The following PRH1 variants were observed in gnomAD, a reference collection of about 807,000 sequenced individuals.
PRH1 encodes salivary acidic proline-rich phosphoprotein 1/2.
PRH1 carries 7 observed loss-of-function variants against 7.9 expected under a neutral mutation model. The observed-to-expected ratio is 0.89, with a 90% CI of 0.50 to 1.67. PRH1 has a LOEUF of 1.67. Ranked by LOEUF, PRH1 falls within the 40% of genes most tolerant of loss-of-function variation. PRH1 has a pLI of 0.00. For missense variants in PRH1, 109 were observed against 223.6 expected (o/e 0.49, Z 3.27); for synonymous variants, 45 against 80.8 (o/e 0.56, Z 2.38).
chr12:10,966,430 C>G (rs1334836198), intron 2 of PRH1, among the ~76,000 whole-genome samples: 1 of 152,122 alleles, frequency 6.6e-6, no homozygotes, highest in Non-Finnish European at 1.5e-5. Context: ...ATTGGAGTTT[C>G]TTTTCCTTTT....
At chr12:10,943,988 T>C (rs1950445834) in intron 2 of PRH1, among the ~76,000 whole-genome samples, 1 of 152,208 alleles carries the variant, frequency 6.6e-6, no homozygotes. Context: ...TAACATAGTT[T>C]GAAGTTGGGT....
At chr12:11,063,210 C>G (rs1203845720) in intron 1 of PRH1, among the ~76,000 whole-genome samples, 1 of 152,018 alleles carries the variant, frequency 6.6e-6, no homozygotes, top group Non-Finnish European at 1.5e-5. Context: ...AGTACCCAAC[C>G]CTTTGATATA....
At chr12:10,959,900 C>A (rs114830989) in intron 2 of PRH1, among the ~76,000 whole-genome samples, 2,302 of 152,194 alleles carry the variant, frequency 0.015, 19 homozygotes, top group South Asian at 0.031. Context: ...AGTTTAGAGG[C>A]AAGAGAAAGA....
At position 11,083,541 on chromosome 12, in the gene PRH1, T is replaced by A. The variant is rs1944565868; in HGVS notation, n.124-36353A>T. ...ATTATTGTGAAACATAACATACATA[T>A]ATATATAAAGTAATAAGGTCTAAAT... On this transcript the variant is annotated intron_variant and non_coding_transcript_variant, in intron 1 of 4. Coordinates refer to the PRH1 transcript ENST00000541977. 5.5e-4 allele frequency among the ~76,000 whole-genome samples: 3 copies of A among 5,406 alleles called. No individual in the cohort carries two copies. In the South Asian group the frequency reaches 0.039, roughly 71 times the overall value. The allele number at this position is 5,406 out of a possible 152,430, so 3.5% of individuals were successfully genotyped here. A position where few individuals can be genotyped will look rare whatever the true frequency, so the allele number is the denominator to read the frequency against.
chr12:11,154,095 C>T (rs938005354), intron 1 of PRH1, among the ~76,000 whole-genome samples: 1 of 152,122 alleles, frequency 6.6e-6, no homozygotes, highest in African/African-American at 2.4e-5. Flanking sequence ...ATACTGGAGA[C>T]AAATTTGTTA....
chr12:10,918,325 A>G (rs1466285461), intron 2 of PRH1, among the ~76,000 whole-genome samples: 1 of 152,136 alleles, frequency 6.6e-6, no homozygotes, highest in African/African-American at 2.4e-5. Flanking sequence ...GGCACACATT[A>G]ACCTATGTAA....
At chr12:11,168,214 AAG>A (rs1491427747) in intron 1 of PRH1, among the ~76,000 whole-genome samples, 9 of 5,000 alleles carry the variant, frequency 1.8e-3, no homozygotes, top group Non-Finnish European at 4.7e-3. Flanking sequence ...AGAAAGAAAG[AAG>A]AAAGAAAGAA....
chr12:10,970,684 C>G (rs1938768437), intron 2 of PRH1, among the ~76,000 whole-genome samples: 1 of 151,964 alleles, frequency 6.6e-6, no homozygotes, highest in Non-Finnish European at 1.5e-5. Flanking sequence ...CCTGCCTCAG[C>G]CTCCCTAGTA....
rs1246521375 is a variant in PRH1 at position 11,093,670 on chromosome 12, G to C, written n.124-46482C>G. ...AGACCCTTTGATATAGAATCCTGCA[G>C]TATCCTCCTATCACAGGAAGACTGA... On this transcript the variant is annotated intron_variant and non_coding_transcript_variant, in intron 1 of 4. Coordinates refer to the PRH1 transcript ENST00000541977. 1.7e-5 allele frequency among the ~76,000 whole-genome samples: 2 copies of C among 115,382 alleles called. 1 individual carries two copies. The highest frequency in any genetic ancestry group is 4.1e-5 in the Non-Finnish European group (2 of 48,976). 75.7% of individuals were successfully genotyped at this position (115,382 alleles called of 152,430 possible).
intron 1 of PRH1, among the ~76,000 whole-genome samples, chr12:11,139,871 T>C (rs1020311331): frequency 1.3e-5 from 2 of 152,128 alleles, no homozygotes; most frequent in African/African-American, 2.4e-5. Flanking sequence ...GAGTAGAATA[T>C]GAAAATTCCC....
At chr12:11,075,499 C>T (rs1944254507) in intron 1 of PRH1, among the ~76,000 whole-genome samples, 1 of 113,690 alleles carries the variant, frequency 8.8e-6, no homozygotes, top group African/African-American at 3.0e-5. Context: ...GTGTGTTTGG[C>T]AGCTGCTGGG....
chr12:10,970,276 A>C (rs537101756), intron 2 of PRH1, among the ~76,000 whole-genome samples: 4 of 152,342 alleles, frequency 2.6e-5, no homozygotes, highest in African/African-American at 7.2e-5. Context: ...ATGTGTGCAC[A>C]TACTATGATT....
intron 1 of PRH1, among the ~76,000 whole-genome samples, chr12:11,032,948 C>A (rs1454853388): frequency 6.6e-6 from 1 of 152,134 alleles, no homozygotes; most frequent in Non-Finnish European, 1.5e-5. Flanking sequence ...TATGGCCTAT[C>A]TAGTACACTG....
At chr12:10,938,681 G>A in intron 2 of PRH1, 1 of 1,614,016 alleles carries the variant, frequency 6.2e-7, no homozygotes, top group Non-Finnish European at 8.5e-7. Context: ...AATAAGACTG[G>A]AAAATCGTGT....
chr12:10,985,811 T>G lies in PRH1; in HGVS notation c.-125-12090A>C. The G allele has an allele frequency of 3.5e-6, 3 of 855,764 alleles. No homozygotes were observed. In the South Asian group the frequency reaches 6.1e-5, roughly 18 times the overall value. 53.0% of individuals were successfully genotyped at this position (855,764 alleles called of 1,614,324 possible). On this transcript the variant is annotated intron_variant, in intron 1 of 3. Transcript: ENST00000539853. The stretch of plus-strand genomic sequence containing the variant: ...TTTAGGTAAAAGACTTTTCTAGGTA[T>G]GCTTTCAGAAAATACTCAAAAACAT...
In PRH1 at chr12:10,902,754, T is replaced by G. The variant is rs561489371; in HGVS notation, c.-58-18479A>C. 4.6e-5 allele frequency among the ~76,000 whole-genome samples: 7 copies of G among 152,248 alleles called. No homozygotes were observed. In the East Asian group the frequency reaches 9.6e-4, roughly 21 times the overall value. Reference sequence around the variant, plus strand: ...GGAAAGAAAATTTTCCAACCAATAATTGTATATTCCATCAAACTAACCTTT... The same window carrying G: ...GGAAAGAAAATTTTCCAACCAATAAGTGTATATTCCATCAAACTAACCTTT... On this transcript the variant is annotated intron_variant, in intron 2 of 3. Coordinates refer to the PRH1 transcript ENST00000539853.
intron 1 of PRH1, among the ~76,000 whole-genome samples, chr12:11,037,794 T>C (rs1942501482): frequency 6.6e-6 from 1 of 152,204 alleles, no homozygotes; most frequent in South Asian, 2.1e-4. Context: ...AATCCCAGCA[T>C]TTTGAAAGGC....
At chr12:11,032,761 A>G (rs1942281507) in intron 1 of PRH1, among the ~76,000 whole-genome samples, 1 of 152,152 alleles carries the variant, frequency 6.6e-6, no homozygotes, top group South Asian at 2.1e-4. Context: ...TCAGTACCAG[A>G]CCCTTTGATA....
At chr12:11,061,520 G>C in intron 1 of PRH1, 1 of 1,614,134 alleles carries the variant, frequency 6.2e-7, no homozygotes, top group Non-Finnish European at 8.5e-7. Context: ...ATGAAGACAG[G>C]TTTGTTTTCC....
Sources: gnomAD v4.1 joint callset for allele counts (sites outside exome capture counted in the v4.1 genomes callset) on GRCh38, gnomAD v4.1.1 for gene constraint, MANE v1.5 for transcripts, NCBI Gene and HGNC (gene_info 2026-07-23, HGNC 2026-07-21) for gene names.